Variants in GGNBP2 observed in about 807,000 individuals in gnomAD.
GGNBP2 encodes gametogenetin-binding protein 2.
In GGNBP2, 10 loss-of-function variants were observed where a neutral mutation model predicts 85.9. The observed-to-expected ratio is 0.12, with a 90% CI of 0.07 to 0.20. GGNBP2 has a LOEUF of 0.20. GGNBP2 is among the 10% of genes least tolerant of loss of function. GGNBP2 has a pLI of 1.00. For missense variants in GGNBP2, 595 were observed against 857.8 expected (o/e 0.69, Z 3.83); for synonymous variants, 287 against 285.7 (o/e 1.00, Z -0.05).
chr17:36,575,644 A>AT lies in GGNBP2; in HGVS notation c.642-2338dup, dbSNP rs1195389811. Among the ~76,000 whole-genome samples, 322 of 52,448 alleles carry AT rather than the reference A, an allele frequency of 6.1e-3. 2 individuals are homozygous for AT. The highest frequency in any genetic ancestry group is 0.015 in the African/African-American group (178 of 12,110). 34.4% of individuals were successfully genotyped at this position (52,448 alleles called of 152,430 possible). Reference sequence around the variant, plus strand: ...TATATATATATATATATATATATATATATATTTTTTTTTTTTTTTGAGATG... The same window carrying AT: ...TATATATATATATATATATATATATATTATATTTTTTTTTTTTTTTGAGATG... On this transcript the variant is annotated intron_variant, in intron 6 of 13. Coordinates refer to ENST00000613102, the MANE Select transcript of GGNBP2 (RefSeq NM_024835.5).
In GGNBP2 at chr17:36,545,824, G is replaced by GGGCCGGGCCGGGCTGGGCC; in HGVS notation, c.93+8_93+26dup. 1 of 1,536,200 alleles carries GGGCCGGGCCGGGCTGGGCC rather than the reference G, an allele frequency of 6.5e-7. No homozygotes were observed. Among genetic ancestry groups the GGGCCGGGCCGGGCTGGGCC allele is most frequent in the Non-Finnish European group, 8.8e-7 (1 of 1,136,468 alleles). ...CATAGACGACACCCTGACGGTGAGCGGGCCGGGCCGGGCTGGGCCCGCCGC... is the reference window on the plus strand; with the variant it reads ...CATAGACGACACCCTGACGGTGAGCGGGCCGGGCCGGGCTGGGCCGGCCGGGCCGGGCTGGGCCCGCCGC... On this transcript the variant is annotated splice_region_variant and intron_variant, in intron 2 of 13. Coordinates refer to ENST00000613102, the MANE Select transcript of GGNBP2 (RefSeq NM_024835.5).
chr17:36,581,562 T>G (rs781112604), intron 9 of GGNBP2, 24 bp downstream of exon 9: 1 of 1,548,354 alleles, frequency 6.5e-7, no homozygotes, highest in African/African-American at 1.4e-5. Flanking sequence ...ATATCAACTC[T>G]TAAGTGTGTA....
At chr17:36,580,447 G>C (rs1173913603) in intron 8 of GGNBP2, among the ~76,000 whole-genome samples, 1 of 151,706 alleles carries the variant, frequency 6.6e-6, no homozygotes, top group Non-Finnish European at 1.5e-5. Context: ...CTGACCTCGT[G>C]ATCCGCTGCC....
intron 2 of GGNBP2, chr17:36,546,414 T>G (rs559051875): frequency 6.5e-6 from 1 of 154,152 alleles, no homozygotes; most frequent in South Asian, 2.1e-4. Flanking sequence ...AAACGGGCTT[T>G]CTTCGCATTA....
chr17:36,562,945 C>G (rs1242833764), intron 5 of GGNBP2, among the ~76,000 whole-genome samples: 4 of 95,088 alleles, frequency 4.2e-5, no homozygotes, highest in Admixed American at 1.5e-4. Flanking sequence ...CAGAGCGAGA[C>G]TCTGTCTCAA....
Position 36,587,220 on chromosome 17 carries a change from G to A in GGNBP2, c.1865G>A (p.Gly622Asp). 5 of 1,614,188 alleles carry A rather than the reference G, an allele frequency of 3.1e-6. No homozygotes were observed. The highest frequency in any genetic ancestry group is 4.2e-6 in the Non-Finnish European group (5 of 1,180,042). Reference protein sequence around the residue: ...ETLFGPDSGKGAKSLVELLDE... With the variant: ...ETLFGPDSGKDAKSLVELLDE... ...TTGTTTGGTCCCGATTCCGGAAAAG[G>A]TGCCAAGAGCTTAGTTGAACTCCTT... Residue 622 changes from glycine (G) to aspartate (D), a missense_variant, in exon 13 of 14, where the codon GGT (glycine) becomes GAT (aspartate). Physicochemically the swap from Gly to Asp is moderately conservative, Grantham distance 94. Coordinates refer to ENST00000613102, the MANE Select transcript of GGNBP2 (RefSeq NM_024835.5).
At chr17:36,570,614 C>G (rs571069209) in intron 6 of GGNBP2, among the ~76,000 whole-genome samples, 1 of 151,818 alleles carries the variant, frequency 6.6e-6, no homozygotes, top group Non-Finnish European at 1.5e-5. Context: ...GCAGGAGAAT[C>G]GCTTGAACCC....
rs113647778 is a variant in GGNBP2, at chr17:36,570,593, A to C, written c.641+2817A>C. Among the ~76,000 whole-genome samples the C allele has an allele frequency of 4.4e-3, 674 of 152,240 alleles. 8 individuals carry two copies. Among genetic ancestry groups the C allele is most frequent in the African/African-American group, 0.016 (661 of 41,540 alleles). ...TGGGTGCCTATAATCCCAACTACTC[A>C]GGAGGCTGAGGCAGGAGAATCGCTT... On this transcript the variant is annotated intron_variant, in intron 6 of 13. Transcript: ENST00000613102.
intron 6 of GGNBP2, chr17:36,574,934 T>C: frequency 9.2e-7 from 1 of 1,085,446 alleles, no homozygotes; most frequent in Non-Finnish European, 1.4e-6. Flanking sequence ...CAGACCGATG[T>C]GGCCATTGTA....
chr17:36,587,291 G>A (rs1449097564), intron 13 of GGNBP2, 46 bp downstream of exon 13: 2 of 1,592,598 alleles, frequency 1.3e-6, no homozygotes, highest in African/African-American at 2.7e-5. Context: ...TTTGGGAACG[G>A]GGTGGATGTG....
chr17:36,550,193 C>T (rs2074295612), intron 2 of GGNBP2, among the ~76,000 whole-genome samples: 1 of 152,192 alleles, frequency 6.6e-6, no homozygotes, highest in African/African-American at 2.4e-5. Flanking sequence ...CTGCCTCGGC[C>T]TCCCAAAGTG....
chr17:36,589,183 T>G (rs1456405804), intron 13 of GGNBP2, 25 bp from the exon 14 acceptor site: 1 of 1,535,684 alleles, frequency 6.5e-7, no homozygotes, highest in African/African-American at 1.4e-5. Flanking sequence ...TAAGTCATAG[T>G]CTTAACTACT....
At chr17:36,555,660 C>T (rs1480035627) in intron 3 of GGNBP2, among the ~76,000 whole-genome samples, 1 of 152,184 alleles carries the variant, frequency 6.6e-6, no homozygotes, top group Non-Finnish European at 1.5e-5. Flanking sequence ...CGCATCACTG[C>T]ACTCCAGCCT....
chr17:36,577,112 T>G (rs1336743835), intron 6 of GGNBP2: 3 of 152,234 alleles, frequency 2.0e-5, no homozygotes, highest in Non-Finnish European at 4.4e-5. Context: ...AAAATTTCCT[T>G]GTTTCACTTA....
Position 36,545,714 on chromosome 17 carries a change from C to T in GGNBP2, c.-11C>T, listed in dbSNP as rs747399351. 2 of 1,560,756 alleles carry T rather than the reference C, an allele frequency of 1.3e-6. No individual in the cohort carries two copies. The highest frequency in any genetic ancestry group is 1.7e-6 in the Non-Finnish European group (2 of 1,152,572). ...GAGGTGGTGACGGTGGCAACGGCAG[C>T]GTCGGGGACGATGGCGCGACTCGTG... On this transcript the variant is annotated 5_prime_UTR_variant, in exon 2 of 14. Coordinates refer to ENST00000613102, the MANE Select transcript of GGNBP2 (RefSeq NM_024835.5).
chr17:36,587,508 C>T, intron 13 of GGNBP2: 1 of 424,294 alleles, frequency 2.4e-6, no homozygotes, highest in East Asian at 3.8e-5. Flanking sequence ...GGGTTACATT[C>T]CAATAAACCC....
intron 2 of GGNBP2, among the ~76,000 whole-genome samples, chr17:36,552,054 T>C (rs2074314214): frequency 6.6e-6 from 1 of 152,206 alleles, no homozygotes; most frequent in Admixed American, 6.5e-5. Context: ...GTATAGATAA[T>C]TGTCATTTTT....
intron 6 of GGNBP2, chr17:36,577,511 A>T (rs1018556132): frequency 6.2e-6 from 1 of 160,134 alleles, no homozygotes; most frequent in African/African-American, 2.4e-5. Context: ...AGCTAGTGAA[A>T]TATTAAAATG....
intron 2 of GGNBP2, among the ~76,000 whole-genome samples, chr17:36,550,042 A>G (rs926297263): frequency 1.3e-5 from 2 of 150,710 alleles, no homozygotes; most frequent in Admixed American, 1.3e-4. Context: ...GGTTCAGGTG[A>G]TTCTTGGGCC....
Sources: gnomAD v4.1 joint callset for allele counts (sites outside exome capture counted in the v4.1 genomes callset) on GRCh38, gnomAD v4.1.1 for gene constraint, MANE v1.5 for transcripts, NCBI Gene and HGNC (gene_info 2026-07-23, HGNC 2026-07-21) for gene names.